The following NUP37 variants were observed in gnomAD, a reference collection of about 807,000 sequenced individuals.
NUP37 encodes the protein nucleoporin Nup37.
NUP37 carries 33 observed loss-of-function variants against 45.4 expected under a neutral mutation model. The observed-to-expected ratio is 0.73, with a 90% CI of 0.55 to 0.97. NUP37 has a LOEUF of 0.97. Ranked by LOEUF, NUP37 falls within the 50% of genes least tolerant of loss-of-function variation. NUP37 has a pLI of 0.00. For synonymous variants in NUP37, 127 were observed against 130.7 expected (o/e 0.97, Z 0.19); for missense variants, 365 against 389.7 (o/e 0.94, Z 0.53).
At chr12:102,074,756 A>T (rs1490095264) in intron 9 of NUP37, 1 of 440,270 alleles carries the variant, frequency 2.3e-6, no homozygotes, top group East Asian at 3.5e-5. Context: ...TAAAAGCAAC[A>T]GAATAAAAAG....
intron 9 of NUP37, 85 bp from the exon 10 acceptor site, chr12:102,074,552 T>C (rs1879115317): frequency 3.8e-6 from 3 of 782,134 alleles, no homozygotes; most frequent in Non-Finnish European, 6.3e-6. Context: ...ATGAAATGCA[T>C]TGATGATTTA....
intron 2 of NUP37, 38 bp downstream of exon 2, chr12:102,118,325 T>A: frequency 1.3e-6 from 2 of 1,566,396 alleles, no homozygotes; most frequent in Non-Finnish European, 1.7e-6. Flanking sequence ...AGTAGTGAAA[T>A]ATGTTCACTG....
At chr12:102,092,975 CAGT>C (rs1288522186) in intron 5 of NUP37, among the ~76,000 whole-genome samples, 34 of 151,916 alleles carry the variant, frequency 2.2e-4, no homozygotes, top group Non-Finnish European at 2.7e-4. Context: ...GTAGTTGTAG[CAGT>C]AGTAGTTTTA....
At chr12:102,097,137 A>G (rs1328582645) in intron 5 of NUP37, among the ~76,000 whole-genome samples, 1 of 152,140 alleles carries the variant, frequency 6.6e-6, no homozygotes, top group Non-Finnish European at 1.5e-5. Context: ...CAGGAGGTCA[A>G]GTCAAGCCAG....
At chr12:102,105,459 G>A (rs942463725) in intron 3 of NUP37, among the ~76,000 whole-genome samples, 3 of 152,144 alleles carry the variant, frequency 2.0e-5, no homozygotes, top group Non-Finnish European at 4.4e-5. Flanking sequence ...GAGCCCGGGA[G>A]GCGGAGGTTG....
intron 4 of NUP37, among the ~76,000 whole-genome samples, chr12:102,100,440 T>C (rs886503927): frequency 7.9e-5 from 12 of 152,260 alleles, no homozygotes; most frequent in African/African-American, 2.2e-4. Flanking sequence ...CGGCGTTTAC[T>C]ATGTATCAAC....
chr12:102,108,706 T>C (rs1880228010), intron 3 of NUP37, among the ~76,000 whole-genome samples: 1 of 152,250 alleles, frequency 6.6e-6, no homozygotes, highest in Non-Finnish European at 1.5e-5. Flanking sequence ...TCTTCTCCTT[T>C]GAATTTGTCC....
chr12:102,077,521 A>T lies in NUP37; in HGVS notation c.541-18T>A. The T allele has an allele frequency of 1.3e-6, 2 of 1,599,718 alleles. No homozygotes were observed. The highest frequency in any genetic ancestry group is 1.7e-6 in the Non-Finnish European group (2 of 1,174,920). On this transcript the variant is annotated intron_variant, in intron 6 of 9. Transcript: ENST00000552283. ...ACCATTAGCTGTAAGACAGAAAAAT[A>T]AAAAGAAACTCAATCACTTATCTCA... is the stretch of plus-strand genomic sequence containing the variant.
intron 3 of NUP37, among the ~76,000 whole-genome samples, chr12:102,105,318 C>T (rs150543104): frequency 2.6e-5 from 4 of 151,370 alleles, no homozygotes; most frequent in South Asian, 2.1e-4. Flanking sequence ...TGAGCCCAGG[C>T]GTTCCAGACC....
intron 3 of NUP37, among the ~76,000 whole-genome samples, chr12:102,106,088 G>C (rs1880145846): frequency 6.6e-6 from 1 of 152,064 alleles, no homozygotes; most frequent in Non-Finnish European, 1.5e-5. Flanking sequence ...TTGAAGTGAT[G>C]CATCAACAAG....
chr12:102,082,137 T>C (rs1014610464), intron 6 of NUP37, among the ~76,000 whole-genome samples: 1 of 152,178 alleles, frequency 6.6e-6, no homozygotes, highest in Non-Finnish European at 1.5e-5. Flanking sequence ...CTATTGAGTC[T>C]TATTGGATTT....
intron 5 of NUP37, among the ~76,000 whole-genome samples, chr12:102,094,073 G>GC (rs1879735388): frequency 6.6e-6 from 1 of 152,042 alleles, no homozygotes. Flanking sequence ...AAAAATGTCT[G>GC]CAAAAGTGAT....
At chr12:102,118,284 A>T in intron 2 of NUP37, 79 bp downstream of exon 2, 1 of 1,350,502 alleles carries the variant, frequency 7.4e-7, no homozygotes, top group East Asian at 2.4e-5. Context: ...TATACTTTCA[A>T]AGTTTAGATT....
intron 6 of NUP37, chr12:102,079,362 C>T (rs1879269560): frequency 2.5e-6 from 1 of 400,958 alleles, no homozygotes; most frequent in Admixed American, 2.7e-5. Context: ...TTTTACTGAG[C>T]ATCTATGTTA....
chr12:102,115,434 T>C (rs1203764243), intron 2 of NUP37, among the ~76,000 whole-genome samples: 1 of 152,238 alleles, frequency 6.6e-6, no homozygotes, highest in Non-Finnish European at 1.5e-5. Context: ...CTAGTAGAAC[T>C]TGGATGAGAA....
rs368402017 is a variant in NUP37 at position 102,086,854 on chromosome 12, CAGA to C, written c.450-1001_450-999del. Among the ~76,000 whole-genome samples the C allele has an allele frequency of 2.0e-5, 3 of 152,350 alleles. No individual in the cohort carries two copies. In the East Asian group the frequency reaches 5.8e-4, roughly 29 times the overall value. On this transcript the variant is annotated intron_variant, in intron 5 of 9. Coordinates refer to ENST00000552283, the MANE Select transcript of NUP37 (RefSeq NM_024057.4). Reference sequence around the variant, plus strand: ...ATCCCAGCACTTTGGGAGGCTGAGACAGAAGGATTGCTTGAGCCCAGGAGTTCA... The same window carrying C: ...ATCCCAGCACTTTGGGAGGCTGAGACAGGATTGCTTGAGCCCAGGAGTTCA...
rs149723183 is a variant in NUP37, at chr12:102,105,566, T to C, written c.282-4462A>G. Among the ~76,000 whole-genome samples the C allele has an allele frequency of 6.6e-5, 10 of 150,770 alleles. No homozygotes were observed. In the East Asian group the frequency reaches 1.6e-3, roughly 24 times the overall value. ...AGAATTCCGTGTCATCTTTAGCAGGTTGAAAAGTGCCCTCACGCCAGGCAC... is the reference window on the plus strand; with the variant it reads ...AGAATTCCGTGTCATCTTTAGCAGGCTGAAAAGTGCCCTCACGCCAGGCAC... On this transcript the variant is annotated intron_variant, in intron 3 of 9. Coordinates refer to ENST00000552283, the MANE Select transcript of NUP37 (RefSeq NM_024057.4).
chr12:102,076,387 G>C (rs1392214955), intron 8 of NUP37, among the ~76,000 whole-genome samples: 1 of 152,158 alleles, frequency 6.6e-6, no homozygotes, highest in African/African-American at 2.4e-5. Flanking sequence ...AGACATGTAT[G>C]TTAATTTAAG....
chr12:102,113,358 T>C (rs1880369991), intron 2 of NUP37, among the ~76,000 whole-genome samples: 1 of 152,126 alleles, frequency 6.6e-6, no homozygotes, highest in East Asian at 1.9e-4. Flanking sequence ...ATACCTACCA[T>C]GAGTAAGGGA....
Sources: gnomAD v4.1 joint callset for allele counts (sites outside exome capture counted in the v4.1 genomes callset) on GRCh38, gnomAD v4.1.1 for gene constraint, MANE v1.5 for transcripts, NCBI Gene and HGNC (gene_info 2026-07-23, HGNC 2026-07-21) for gene names.